NEDD4: variants seen among roughly 807,000 people sequenced by gnomAD.
NEDD4 encodes NEDD4 E3 ubiquitin protein ligase.
In NEDD4, 99 loss-of-function variants were observed where a neutral mutation model predicts 144.9. That is an observed-to-expected ratio of 0.68 (90% confidence interval 0.58 to 0.81). The LOEUF (loss-of-function observed/expected upper bound fraction) is 0.81. Among genes scored for constraint, NEDD4 ranks in the 30% least tolerant of loss-of-function variants. The pLI is 0.00. For missense variants in NEDD4, 985 were observed against 1,065.9 expected, an observed-to-expected ratio of 0.92 and a Z score of 1.06; for synonymous variants, 318 against 350.6, an observed-to-expected ratio of 0.91 and a Z score of 1.04.
chr15:55,840,468 G>A lies in NEDD4; in HGVS notation c.2010C>T (p.Thr670=), dbSNP rs2033451885. Residue 670 remains threonine, a synonymous_variant, in exon 21 of 29, where the codon ACC becomes ACT. Transcript: ENST00000435532. ...ATACCACAGATTCCATATCATGAAG[G>A]GTTATTGGTTTGTGAAGCATCATCT... ...FYKMMLHKPI[T]LHDMESVDSE... The A allele has an allele frequency of 1.2e-6, 2 of 1,613,758 alleles. No homozygotes were observed. Among genetic ancestry groups the A allele is most frequent in the East Asian group, 2.2e-5 (1 of 44,818 alleles).
intron 21 of NEDD4, among the ~76,000 whole-genome samples, chr15:55,838,808 G>A (rs2033333761): frequency 6.6e-6 from 1 of 152,106 alleles, no homozygotes; most frequent in Non-Finnish European, 1.5e-5. Context: ...AAGGGCAAGA[G>A]TAAAAATGCA....
rs777774427 is a variant in NEDD4 at position 55,913,089 on chromosome 15, GT to G, written c.291+11556del. 4.6e-4 allele frequency among the ~76,000 whole-genome samples: 70 copies of G among 152,070 alleles called. 1 individual carries two copies. Among genetic ancestry groups the G allele is most frequent in the Non-Finnish European group, 8.5e-4 (58 of 67,948 alleles). The stretch of plus-strand genomic sequence containing the variant: ...GGTAGCTAAACATATAAGAAAAGAA[GT>G]TGTAGACTCTCAGTGCTTTAGAAAC... On this transcript the variant is annotated intron_variant, in intron 5 of 28. Coordinates refer to ENST00000435532, the MANE Select transcript of NEDD4 (RefSeq NM_006154.4).
chr15:55,868,947 G>C (rs2034679239), intron 8 of NEDD4, among the ~76,000 whole-genome samples: 1 of 152,122 alleles, frequency 6.6e-6, no homozygotes, highest in Non-Finnish European at 1.5e-5. Flanking sequence ...GCTAGACAGA[G>C]TGTGCAACTA....
intron 5 of NEDD4, among the ~76,000 whole-genome samples, chr15:55,914,808 TTTTG>T (rs1459923543): frequency 6.6e-6 from 1 of 152,012 alleles, no homozygotes; most frequent in Non-Finnish European, 1.5e-5. Flanking sequence ...TGATATGGGT[TTTTG>T]TTTAATATTT....
At position 55,929,838 on chromosome 15, in the gene NEDD4, T is replaced by A. The variant is rs138070169; in HGVS notation, c.238-5139A>T. On this transcript the variant is annotated intron_variant, in intron 4 of 28. Transcript: ENST00000435532. ...AGAGTTTTAAAAACTATAAGGAGTA[T>A]CCTTAGAAACATTTAGGAATGTCTT... 3.2e-3 allele frequency among the ~76,000 whole-genome samples: 494 copies of A among 152,096 alleles called. 1 individual carries two copies. The highest frequency in any genetic ancestry group is 0.011 in the African/African-American group (473 of 41,500).
chr15:55,827,045 CAGA>C lies in NEDD4; in HGVS notation c.*2849_*2851del, dbSNP rs2032728465. The C allele has an allele frequency of 1.3e-5, 2 of 152,160 alleles. No individual in the cohort carries two copies. The highest frequency in any genetic ancestry group is 1.9e-4 in the East Asian group (1 of 5,184). 9.4% of individuals were successfully genotyped at this position (152,160 alleles called of 1,614,324 possible). On this transcript the variant is annotated 3_prime_UTR_variant, in exon 29 of 29. Transcript: ENST00000435532. ...ATCTTGATATATATATTTACTGTGT[CAGA>C]AGATTTTAAAAAGTCAAATAGTTTA... is the stretch of plus-strand genomic sequence containing the variant.
chr15:55,952,155 C>T (rs1239065168), intron 2 of NEDD4, among the ~76,000 whole-genome samples: 1 of 151,390 alleles, frequency 6.6e-6, no homozygotes, highest in Non-Finnish European at 1.5e-5. Context: ...GGTGAAACCC[C>T]GTCTCTACTA....
Position 55,838,172 on chromosome 15 carries a change from T to A in NEDD4, c.2136A>T (p.Gln712His). 6.3e-7 allele frequency: 1 copy of A among 1,594,774 alleles called. No homozygotes were observed. Among genetic ancestry groups the A allele is most frequent in the Non-Finnish European group, 8.6e-7 (1 of 1,167,834 alleles). Residue 712 changes from glutamine to histidine, a missense_variant, in exon 23 of 29, where the codon CAA (glutamine) becomes CAT (histidine). By Grantham distance (24) the Gln-to-His change is conservative. Coordinates refer to ENST00000435532, the MANE Select transcript of NEDD4 (RefSeq NM_006154.4). ...CTGATCCACCATTTTTCAGCTCATG[T>A]TGATGTGTCTAAAATTAAACACAAT... ...IDEELFGQTHQHELKNGGSEI... is the reference protein window; with the variant it reads ...IDEELFGQTHHHELKNGGSEI...
intron 5 of NEDD4, among the ~76,000 whole-genome samples, chr15:55,903,011 T>A (rs535707196): frequency 9.3e-4 from 142 of 151,876 alleles, no homozygotes; most frequent in Non-Finnish European, 1.7e-3. Context: ...AAATAAAAAA[T>A]AAATAAATAA....
At chr15:55,841,290 C>T (rs1324140357) in intron 19 of NEDD4, among the ~76,000 whole-genome samples, 2 of 152,174 alleles carry the variant, frequency 1.3e-5, no homozygotes, top group Non-Finnish European at 2.9e-5. Context: ...AAAGGAAGGA[C>T]ATTCTGATAC....
At chr15:55,929,446 T>C (rs952250694) in intron 4 of NEDD4, among the ~76,000 whole-genome samples, 1 of 152,054 alleles carries the variant, frequency 6.6e-6, no homozygotes, top group Non-Finnish European at 1.5e-5. Context: ...GTAATAAGCA[T>C]AGTACCCAAC....
intron 5 of NEDD4, among the ~76,000 whole-genome samples, chr15:55,880,205 T>C (rs1461232739): frequency 2.0e-5 from 3 of 152,188 alleles, no homozygotes; most frequent in East Asian, 1.9e-4. Context: ...GGCAGGAGAA[T>C]TGCTTGAACC....
intron 11 of NEDD4, among the ~76,000 whole-genome samples, chr15:55,857,183 T>TGA (rs1330024099): frequency 6.6e-6 from 1 of 152,230 alleles, no homozygotes; most frequent in Admixed American, 6.5e-5. Context: ...TGCATGTTTA[T>TGA]GAATATACAG....
At position 55,860,497 on chromosome 15, in the gene NEDD4, G is replaced by C; in HGVS notation, c.870C>G (p.Asn290Lys). 6.2e-7 allele frequency: 1 copy of C among 1,614,136 alleles called. No homozygotes were observed. Among genetic ancestry groups the C allele is most frequent in the Non-Finnish European group, 8.5e-7 (1 of 1,180,008 alleles). ...CTGCAAGATGAGTTGGAACATCCAAGTTACTTGACGGTGGAGGTGATGGGA... is the reference window on the plus strand; with the variant it reads ...CTGCAAGATGAGTTGGAACATCCAACTTACTTGACGGTGGAGGTGATGGGA... ...QAFPSPPPSS[N>K]LDVPTHLAEE... is the part of the protein sequence containing the mutation. Residue 290 changes from asparagine (N) to lysine (K), a missense_variant, in exon 11 of 29, where the codon AAC becomes AAG. Physicochemically the swap from Asn to Lys is moderately conservative, Grantham distance 94 (BLOSUM62 0). Transcript: ENST00000435532.
chr15:55,875,771 GA>G (rs2142075096), intron 5 of NEDD4, among the ~76,000 whole-genome samples: 1 of 152,124 alleles, frequency 6.6e-6, no homozygotes, highest in South Asian at 2.1e-4. Flanking sequence ...GGAACTTGTG[GA>G]AAAATTTCAA....
At chr15:55,930,568 G>A (rs1346776252) in intron 4 of NEDD4, among the ~76,000 whole-genome samples, 3 of 152,194 alleles carry the variant, frequency 2.0e-5, no homozygotes, top group African/African-American at 7.2e-5. Context: ...ACAATTTCCA[G>A]AGTTGAAGAG....
intron 5 of NEDD4, among the ~76,000 whole-genome samples, chr15:55,883,333 G>A (rs1486929900): frequency 2.0e-5 from 3 of 152,146 alleles, no homozygotes; most frequent in Admixed American, 6.5e-5. Flanking sequence ...GAAGAACTTT[G>A]TCTTATGGTT....
intron 5 of NEDD4, among the ~76,000 whole-genome samples, chr15:55,910,136 C>T (rs1437614981): frequency 6.6e-6 from 1 of 152,160 alleles, no homozygotes; most frequent in African/African-American, 2.4e-5. Context: ...TTGTCTTATA[C>T]ATCTTATATC....
chr15:55,933,491 G>A (rs2036822462), intron 4 of NEDD4, among the ~76,000 whole-genome samples: 3 of 137,978 alleles, frequency 2.2e-5, no homozygotes, highest in Non-Finnish European at 1.5e-5. Flanking sequence ...AGAACACTTG[G>A]ACACGGGAAG....
Sources: gnomAD v4.1 joint callset for allele counts (sites outside exome capture counted in the v4.1 genomes callset) on GRCh38, gnomAD v4.1.1 for gene constraint, MANE v1.5 for transcripts, NCBI Gene and HGNC (gene_info 2026-07-23, HGNC 2026-07-21) for gene names.